IGF1R: variants seen among roughly 807,000 people sequenced by gnomAD.
IGF1R encodes insulin like growth factor 1 receptor, also known as insulin-like growth factor 1 receptor.
Under a neutral mutation model 144.6 loss-of-function variants are expected in IGF1R, and 44 were observed. That is an observed-to-expected ratio of 0.30 (90% CI 0.24 to 0.39). IGF1R has a LOEUF of 0.39. Ranked by LOEUF, IGF1R falls within the 10% of genes least tolerant of loss-of-function variation. IGF1R has a pLI of 1.00. For missense variants in IGF1R, 1,355 were observed against 1,833.7 expected, an observed-to-expected ratio of 0.74 and a Z score of 4.77; for synonymous variants, 795 against 722.8, an observed-to-expected ratio of 1.10 and a Z score of -1.60.
chr15:98,697,631 CTG>C (rs1320678406), intron 1 of IGF1R, among the ~76,000 whole-genome samples: 1 of 137,288 alleles, frequency 7.3e-6, no homozygotes, highest in Admixed American at 7.1e-5. Context: ...GGTGGACGGG[CTG>C]TGTGGTCTCC....
At chr15:98,759,040 C>T (rs898126998) in intron 2 of IGF1R, among the ~76,000 whole-genome samples, 1 of 152,214 alleles carries the variant, frequency 6.6e-6, no homozygotes, top group Admixed American at 6.5e-5. Context: ...GTTTCTCTTA[C>T]AGGAAGGACT....
chr15:98,737,702 T>G (rs2054643386), intron 2 of IGF1R, among the ~76,000 whole-genome samples: 1 of 152,172 alleles, frequency 6.6e-6, no homozygotes. Flanking sequence ...GAGAAAAGCT[T>G]TTTTTCATCA....
intron 1 of IGF1R, among the ~76,000 whole-genome samples, chr15:98,664,704 A>G (rs902704303): frequency 6.6e-6 from 1 of 151,374 alleles, no homozygotes; most frequent in African/African-American, 2.4e-5. Context: ...AAAAAAAAAA[A>G]AAAAGTGTCA....
intron 1 of IGF1R, among the ~76,000 whole-genome samples, chr15:98,669,039 C>T (rs967602972): frequency 1.3e-5 from 2 of 152,222 alleles, no homozygotes; most frequent in Non-Finnish European, 2.9e-5. Flanking sequence ...TTTCTGTTCA[C>T]AGCTGAGCTT....
intron 2 of IGF1R, among the ~76,000 whole-genome samples, chr15:98,785,418 A>G (rs1243584155): frequency 6.6e-6 from 1 of 152,212 alleles, no homozygotes; most frequent in African/African-American, 2.4e-5. Flanking sequence ...GAGAATGTCA[A>G]GTAATAGAAT....
chr15:98,772,631 G>A (rs1596291322), intron 2 of IGF1R, among the ~76,000 whole-genome samples: 1 of 151,482 alleles, frequency 6.6e-6, no homozygotes, highest in Non-Finnish European at 1.5e-5. Context: ...CTAGCAGCTA[G>A]AACTGTATAT....
At chr15:98,903,658 C>T (rs2014589252) in intron 5 of IGF1R, among the ~76,000 whole-genome samples, 1 of 152,196 alleles carries the variant, frequency 6.6e-6, no homozygotes, top group Admixed American at 6.5e-5. Flanking sequence ...CACTGGAAAC[C>T]ATTCAGATGT....
At chr15:98,923,465 C>A (rs572249252) in intron 11 of IGF1R, among the ~76,000 whole-genome samples, 1 of 152,258 alleles carries the variant, frequency 6.6e-6, no homozygotes, top group African/African-American at 2.4e-5. Flanking sequence ...CAGCATCTTT[C>A]CAGGGCTGCT....
chr15:98,667,069 A>G (rs2141188406), intron 1 of IGF1R, among the ~76,000 whole-genome samples: 1 of 152,226 alleles, frequency 6.6e-6, no homozygotes, highest in African/African-American at 2.4e-5. Flanking sequence ...GAGGCCTTGA[A>G]AAAAAACGCA....
intron 2 of IGF1R, among the ~76,000 whole-genome samples, chr15:98,801,343 A>G (rs946551872): frequency 7.9e-5 from 12 of 152,214 alleles, no homozygotes; most frequent in Non-Finnish European, 1.2e-4. Flanking sequence ...CTGTGTGACA[A>G]TGCTGGTCCC....
chr15:98,748,507 C>T (rs1325952222), intron 2 of IGF1R, among the ~76,000 whole-genome samples: 1 of 152,160 alleles, frequency 6.6e-6, no homozygotes, highest in Non-Finnish European at 1.5e-5. Flanking sequence ...AATTTCTTTA[C>T]TCATTAGGTG....
rs1283757221 is a variant in IGF1R at position 98,957,094 on chromosome 15, C to T, written c.3756C>T (p.Asn1252=). ...TGATGCGCATGTGCTGGCAGTATAA[C>T]CCCAAGATGAGGCCTTCCTTCCTGG... ...FELMRMCWQY[N]PKMRPSFLEI... The change falls in exon 21 of 21, where the codon AAC becomes AAT. Residue 1252 remains asparagine (N), a synonymous_variant. Coordinates refer to ENST00000650285, the MANE Select transcript of IGF1R (RefSeq NM_000875.5). The T allele has an allele frequency of 6.2e-7, 1 of 1,614,238 alleles. No homozygotes were observed.
intron 10 of IGF1R, among the ~76,000 whole-genome samples, chr15:98,918,677 G>A (rs1457485500): frequency 1.3e-5 from 2 of 152,022 alleles, no homozygotes; most frequent in African/African-American, 4.8e-5. Context: ...TCAGGCGTTC[G>A]AGACCAGCCG....
intron 13 of IGF1R, among the ~76,000 whole-genome samples, chr15:98,926,415 G>GTT (rs2015720868): frequency 8.3e-6 from 1 of 119,890 alleles, no homozygotes; most frequent in Admixed American, 9.9e-5. Context: ...CAGTAATAAT[G>GTT]ATGTATTCTT....
intron 2 of IGF1R, among the ~76,000 whole-genome samples, chr15:98,796,361 G>A (rs2056241760): frequency 6.6e-6 from 1 of 152,194 alleles, no homozygotes; most frequent in Admixed American, 6.5e-5. Flanking sequence ...CAGCCAACTC[G>A]AGAGGGTTAC....
intron 2 of IGF1R, among the ~76,000 whole-genome samples, chr15:98,879,462 A>G (rs1418457686): frequency 6.6e-6 from 1 of 152,132 alleles, no homozygotes; most frequent in Non-Finnish European, 1.5e-5. Context: ...CCACTGTTTT[A>G]TTCTCCATCA....
chr15:98,721,887 C>T (rs2054254664), intron 2 of IGF1R, among the ~76,000 whole-genome samples: 1 of 152,038 alleles, frequency 6.6e-6, no homozygotes, highest in Non-Finnish European at 1.5e-5. Context: ...TATTTGGGGT[C>T]CTATGGTCCT....
intron 4 of IGF1R, 156 bp downstream of exon 4, chr15:98,897,061 C>T (rs2014236350): frequency 1.4e-6 from 1 of 701,834 alleles, no homozygotes; most frequent in Admixed American, 2.4e-5. Context: ...CTTTGAGTTT[C>T]CCTGAAAGAT....
At chr15:98,936,677 T>G (rs1186335357) in intron 17 of IGF1R, among the ~76,000 whole-genome samples, 2 of 152,052 alleles carry the variant, frequency 1.3e-5, no homozygotes, top group Non-Finnish European at 2.9e-5. Context: ...TGACAGTTTC[T>G]TAATTTTAGT....
Sources: allele counts gnomAD v4.1 joint callset (sites outside exome capture counted in the v4.1 genomes callset), GRCh38; gene constraint gnomAD v4.1.1; transcripts MANE v1.5; gene names NCBI Gene and HGNC (gene_info 2026-07-23, HGNC 2026-07-21).